STRIP1: variants seen among roughly 807,000 people sequenced by gnomAD.
The protein encoded by STRIP1 is striatin-interacting protein 1.
A neutral mutation model predicts 106.2 loss-of-function variants in STRIP1; 63 were observed. The ratio of observed to expected loss-of-function variants is 0.59; its 90% CI spans 0.48 to 0.73. STRIP1 has a LOEUF of 0.73. STRIP1 is among the 30% of genes least tolerant of loss of function. STRIP1 has a pLI of 0.00. For synonymous variants in STRIP1, 390 were observed against 413.0 expected (o/e 0.94, Z 0.67); for missense variants, 857 against 1,074.8 (o/e 0.80, Z 2.83).
chr1:110,041,903 G>A (rs750223219), intron 8 of STRIP1, 42 bp downstream of exon 8: 4 of 1,588,954 alleles, frequency 2.5e-6, no homozygotes, highest in Non-Finnish European at 3.4e-6. Flanking sequence ...CTATGGGATG[G>A]GCAGTAGGGA....
chr1:110,049,990 C>CA (rs1653214560), intron 17 of STRIP1: 3 of 366,564 alleles, frequency 8.2e-6, no homozygotes, highest in Non-Finnish European at 1.5e-5. Context: ...GTGTGATATA[C>CA]CACAGGGCGC....
chr1:110,051,974 TTCTC>T, intron 20 of STRIP1, 87 bp downstream of exon 20: 1 of 1,379,300 alleles, frequency 7.3e-7, no homozygotes, highest in Non-Finnish European at 1.0e-6. Context: ...ACTCAGGTAC[TTCTC>T]TGCCCTGAGC....
Position 110,053,719 on chromosome 1 carries a change from A to G in STRIP1, c.2321A>G (p.Asn774Ser), listed in dbSNP as rs1021985503. 1.2e-6 allele frequency: 2 copies of G among 1,613,932 alleles called. No homozygotes were observed. Among genetic ancestry groups the G allele is most frequent in the Admixed American group, 1.7e-5 (1 of 59,996 alleles). Residue 774 changes from asparagine (N) to serine (S), a missense_variant, in exon 21 of 21, where the codon AAC (asparagine) becomes AGC (serine). Physicochemically the swap from Asn to Ser is conservative, Grantham distance 46. This residue lies in a region of STRIP1 where 750 missense variants were observed against 989.8 expected (regional missense o/e 0.76). Coordinates refer to ENST00000369795, the MANE Select transcript of STRIP1 (RefSeq NM_033088.4). ...GCAGAGGAGTGTGCCCTTCGTGCCA[A>G]CATTGAACGCTTCAACGCCCGGCGC... is the stretch of plus-strand genomic sequence containing the variant. ...FQAEECALRANIERFNARRYD... is the reference protein window; with the variant it reads ...FQAEECALRASIERFNARRYD...
At chr1:110,052,882 C>T (rs906916789) in intron 20 of STRIP1, among the ~76,000 whole-genome samples, 1 of 152,202 alleles carries the variant, frequency 6.6e-6, no homozygotes, top group Non-Finnish European at 1.5e-5. Context: ...TGAATCTTTT[C>T]AACATGCAGA....
upstream of STRIP1, among the ~76,000 whole-genome samples, chr1:110,033,875 T>C (rs572259612): frequency 2.3e-3 from 354 of 152,376 alleles, 2 homozygotes; most frequent in Non-Finnish European, 4.0e-3. Flanking sequence ...TTATCCTTGA[T>C]GTTTCTCTTA....
Position 110,049,115 on chromosome 1 carries a change from C to G in STRIP1, c.1665C>G (p.Thr555=), listed in dbSNP as rs1261864952. ...LADVLPEEMP[T]TVLQSMKLGV... ...ACCCAGGCAATTATGTTTCCAGCAC[C>G]ACAGTGTTGCAGAGCATGAAGCTGG... The change falls in exon 16 of 21, where the codon ACC becomes ACG. Residue 555 remains threonine (T), a synonymous_variant. Coordinates refer to ENST00000369795, the MANE Select transcript of STRIP1 (RefSeq NM_033088.4). 16 of 1,614,164 alleles carry G rather than the reference C, an allele frequency of 9.9e-6. No individual in the cohort carries two copies. Among genetic ancestry groups the G allele is most frequent in the Non-Finnish European group, 1.4e-5 (16 of 1,180,032 alleles).
In STRIP1 at chr1:110,034,671, A is replaced by G; in HGVS notation, c.34A>G (p.Ile12Val). 6.6e-7 allele frequency: 1 copy of G among 1,524,580 alleles called. No individual in the cohort carries two copies. The highest frequency in any genetic ancestry group is 8.8e-7 in the Non-Finnish European group (1 of 1,136,962). 94.4% of individuals were successfully genotyped at this position (1,524,580 alleles called of 1,614,324 possible). Residue 12 changes from isoleucine to valine, a missense_variant, in exon 1 of 21, where the codon ATC becomes GTC. This residue lies in a region of STRIP1 where 107 missense variants were observed against 85.1 expected (regional missense o/e 1.26). Coordinates refer to ENST00000369795, the MANE Select transcript of STRIP1 (RefSeq NM_033088.4). Reference sequence around the variant, plus strand: ...GGCAGTCGGCGGTCCGGGCCCACTGATCGTGAACAACAAACAGCCCCAGCC... The same window carrying G: ...GGCAGTCGGCGGTCCGGGCCCACTGGTCGTGAACAACAAACAGCCCCAGCC... ...EPAVGGPGPL[I>V]VNNKQPQPPP...
At chr1:110,048,990 T>C in intron 15 of STRIP1, 122 bp from the exon 16 acceptor site, 1 of 1,152,008 alleles carries the variant, frequency 8.7e-7, no homozygotes. Flanking sequence ...GAGATGTCCT[T>C]GGGGTGAGTG....
chr1:110,040,007 TG>T, intron 5 of STRIP1: 1 of 756,072 alleles, frequency 1.3e-6, no homozygotes, highest in East Asian at 6.4e-5. Context: ...AGTGCCTGTG[TG>T]TCCCGGGCAT....
chr1:110,032,153 TA>T (rs1652209323), upstream of STRIP1, among the ~76,000 whole-genome samples: 1 of 152,208 alleles, frequency 6.6e-6, no homozygotes, highest in Admixed American at 6.5e-5. Flanking sequence ...TAAATCTGAT[TA>T]TTTCCTTAGA....
At chr1:110,048,018 T>A in intron 15 of STRIP1, 149 bp downstream of exon 15, 2 of 672,612 alleles carry the variant, frequency 3.0e-6, no homozygotes, top group Non-Finnish European at 5.1e-6. Context: ...ACTACGAGAT[T>A]AAAGAGTTTC....
At chr1:110,039,029 C>A in intron 3 of STRIP1, 143 bp from the exon 4 acceptor site, 1 of 944,496 alleles carries the variant, frequency 1.1e-6, no homozygotes, top group Non-Finnish European at 1.6e-6. Context: ...ATTCATAGAG[C>A]AGCAGTATGA....
In STRIP1 at chr1:110,043,686, C is replaced by CT; in HGVS notation, c.1117dup (p.Tyr373LeufsTer4). On this transcript the variant is annotated frameshift_variant, in exon 10 of 21. Transcript: ENST00000369795. LOFTEE classifies it high-confidence loss of function. ...TAGATGCCTTCAACGAGCGGGATCC[C>CT]TACAAGGCTGATGACTCTCGAGAAG... is the stretch of plus-strand genomic sequence containing the variant. 1.2e-6 allele frequency: 2 copies of CT among 1,614,104 alleles called. No homozygotes were observed. Among genetic ancestry groups the CT allele is most frequent in the Non-Finnish European group, 8.5e-7 (1 of 1,180,008 alleles).
intron 16 of STRIP1, 33 bp downstream of exon 16, chr1:110,049,271 G>A: frequency 6.2e-7 from 1 of 1,613,666 alleles, no homozygotes; most frequent in East Asian, 2.2e-5. Context: ...TGTCCTGTGG[G>A]CTGGGGCCTC....
chr1:110,049,836 T>C (rs1421249245), intron 17 of STRIP1: 3 of 159,906 alleles, frequency 1.9e-5, no homozygotes, highest in East Asian at 1.6e-4. Flanking sequence ...CCTTCTGTAC[T>C]TTTTTTTTTT....
chr1:110,040,510 T>C, intron 5 of STRIP1, 125 bp from the exon 6 acceptor site: 1 of 840,272 alleles, frequency 1.2e-6, no homozygotes, highest in Non-Finnish European at 1.8e-6. Context: ...CACCGTGTCC[T>C]GTGGCCTCTT....
At chr1:110,034,618 G>C (rs1652341318), upstream of STRIP1, 2 of 1,502,036 alleles carry the variant, frequency 1.3e-6, no homozygotes, top group African/African-American at 1.5e-5. Context: ...GAGTTAAGCT[G>C]GGGGTGTGGA....
At position 110,043,308 on chromosome 1, in the gene STRIP1, C is replaced by T. The variant is rs183556740; in HGVS notation, c.1068+38C>T. The T allele has an allele frequency of 1.7e-3, 2,760 of 1,594,572 alleles. 5 individuals are homozygous for T. Among genetic ancestry groups the T allele is most frequent in the Non-Finnish European group, 2.1e-3 (2,484 of 1,171,472 alleles). ...GAGGTCCCTGTGACTCCTGAGGGCC[C>T]TCAAGGTGCATGCTTGCAGCAGCAC... On this transcript the variant is annotated intron_variant, in intron 9 of 20. Coordinates refer to ENST00000369795, the MANE Select transcript of STRIP1 (RefSeq NM_033088.4).
intron 1 of STRIP1, 34 bp from the exon 2 acceptor site, chr1:110,037,857 C>G: frequency 6.8e-7 from 1 of 1,474,272 alleles, no homozygotes; most frequent in Non-Finnish European, 9.5e-7. Context: ...ATAGAATGAT[C>G]CTTTTTCCTA....
Sources: allele counts gnomAD v4.1 joint callset (sites outside exome capture counted in the v4.1 genomes callset), GRCh38; gene constraint gnomAD v4.1.1; regional missense constraint gnomAD v4.1.1; transcripts MANE v1.5; gene names NCBI Gene and HGNC (gene_info 2026-07-23, HGNC 2026-07-21).